The following MORN1 variants were observed in gnomAD, a reference collection of about 807,000 sequenced individuals.
The protein encoded by MORN1 is MORN repeat containing 1.
In MORN1, 67 loss-of-function variants were observed where a neutral mutation model predicts 61.9. That is an observed-to-expected ratio of 1.08 (90% CI 0.89 to 1.33). The LOEUF (loss-of-function observed/expected upper bound fraction) is 1.33. Among genes scored for constraint, MORN1 ranks in the 40% most tolerant of loss-of-function variants. The pLI, the probability that MORN1 is intolerant of heterozygous loss-of-function variation, is 0.00. For missense variants in MORN1, 752 were observed against 691.2 expected, an observed-to-expected ratio of 1.09 and a Z score of -0.99; for synonymous variants, 301 against 292.0, an observed-to-expected ratio of 1.03 and a Z score of -0.31.
In MORN1 at chr1:2,374,571, G is replaced by A; in HGVS notation, c.538-14C>T. On this transcript the variant is annotated splice_polypyrimidine_tract_variant and intron_variant, in intron 6 of 13. Coordinates refer to ENST00000378531, the MANE Select transcript of MORN1 (RefSeq NM_024848.3). ...GTGCCACTGTCCCTGCAGAGAGAAG[G>A]GTGAGGCTCAGGCTGGTGGCTCCCA... 2 of 1,575,090 alleles carry A rather than the reference G, an allele frequency of 1.3e-6. No individual in the cohort carries two copies. The highest frequency in any genetic ancestry group is 1.7e-6 in the Non-Finnish European group (2 of 1,160,080).
chr1:2,336,513 G>C lies in MORN1; in HGVS notation c.1206C>G (p.Pro402=), dbSNP rs1641282853. ...CCTGTGCCGTGGGTGGTGTCCCCCT[G>C]GGGTGCAGGCCGCCTCTGGATCTGC... is the stretch of plus-strand genomic sequence containing the variant. ...AGGRSRGGLH[P]RGTPPTAQEP... The change falls in exon 12 of 14, where the codon CCC becomes CCG. Residue 402 remains proline (P), a synonymous_variant. Transcript: ENST00000378531. 4.3e-6 allele frequency: 7 copies of C among 1,612,660 alleles called. No homozygotes were observed. Among genetic ancestry groups the C allele is most frequent in the Non-Finnish European group, 5.9e-6 (7 of 1,179,824 alleles).
At chr1:2,323,578 G>A in intron 13 of MORN1, 1 of 985,304 alleles carries the variant, frequency 1.0e-6, no homozygotes, top group Non-Finnish European at 1.2e-6. Context: ...GGGGCGACTG[G>A]AGGAGGCCCC....
At chr1:2,366,911 C>G (rs1360875096) in intron 8 of MORN1, among the ~76,000 whole-genome samples, 1 of 151,882 alleles carries the variant, frequency 6.6e-6, no homozygotes, top group African/African-American at 2.4e-5. Context: ...AGAAAATCAG[C>G]AAGGACATAG....
intron 2 of MORN1, among the ~76,000 whole-genome samples, chr1:2,389,139 A>ACAAAACTG (rs1218267267): frequency 2.0e-5 from 3 of 151,610 alleles, no homozygotes; most frequent in Non-Finnish European, 4.4e-5. Flanking sequence ...GAAAAAAGAA[A>ACAAAACTG]CAAAACTGGC....
rs972498653 is a variant in MORN1 at position 2,372,562 on chromosome 1, G to A, written c.664C>T (p.Pro222Ser). ...CCTTGGGCCACTTCCATCACCTCCG[G>A]ACCCAAGATCACGATCCTCGTAGCT... ...EQATRIVILG[P>S]EVMEVAQGSP... is the part of the protein sequence containing the mutation. The change falls in exon 8 of 14, where the codon CCG becomes TCG. Residue 222 changes from proline (P) to serine (S), a missense_variant. Coordinates refer to ENST00000378531, the MANE Select transcript of MORN1 (RefSeq NM_024848.3). This position sits in a 1 kb window ranked among gnomAD's most constrained non-coding sequence, Gnocchi z 5.4. The A allele has an allele frequency of 3.1e-6, 5 of 1,613,342 alleles. No homozygotes were observed. The highest frequency in any genetic ancestry group is 1.3e-5 in the African/African-American group (1 of 74,734).
intron 8 of MORN1, 141 bp from the exon 9 acceptor site, chr1:2,358,856 A>G (rs557425744): frequency 2.4e-5 from 25 of 1,023,058 alleles, no homozygotes; most frequent in Non-Finnish European, 3.3e-5. Context: ...TGGTGGGCTG[A>G]GGACCCCGGC....
chr1:2,383,083 G>A (rs1642408688), intron 6 of MORN1, among the ~76,000 whole-genome samples: 1 of 152,014 alleles, frequency 6.6e-6, no homozygotes, highest in Non-Finnish European at 1.5e-5. Flanking sequence ...CCATCCCCAT[G>A]TGGCCCCATG....
chr1:2,345,548 C>T (rs111527581), intron 10 of MORN1, among the ~76,000 whole-genome samples: 3 of 152,372 alleles, frequency 2.0e-5, no homozygotes, highest in African/African-American at 7.2e-5. Flanking sequence ...GGGCCAGTCC[C>T]AGCACCTGCC....
At chr1:2,326,521 G>A (rs1230736260) in intron 12 of MORN1, 1 of 152,250 alleles carries the variant, frequency 6.6e-6, no homozygotes, top group Non-Finnish European at 1.5e-5. Flanking sequence ...GCAGGCCCGA[G>A]GCCAGTGTCC....
chr1:2,389,512 C>T (rs1642590695), intron 2 of MORN1, among the ~76,000 whole-genome samples: 1 of 152,238 alleles, frequency 6.6e-6, no homozygotes, highest in Non-Finnish European at 1.5e-5. Context: ...AAGTGATCCG[C>T]CCACCTTGGC....
chr1:2,373,273 T>C (rs1416464542), intron 7 of MORN1, among the ~76,000 whole-genome samples: 1 of 152,162 alleles, frequency 6.6e-6, no homozygotes, highest in Non-Finnish European at 1.5e-5. Flanking sequence ...CGATGCCGGG[T>C]GCACAGGGTG....
chr1:2,391,019 T>C (rs1642643845), intron 1 of MORN1, among the ~76,000 whole-genome samples: 1 of 152,186 alleles, frequency 6.6e-6, no homozygotes, highest in Non-Finnish European at 1.5e-5. Context: ...GTGCTGGAAG[T>C]ACAGGCAAAA....
At chr1:2,324,285 G>C in intron 12 of MORN1, 142 bp from the exon 13 acceptor site, 1 of 800,124 alleles carries the variant, frequency 1.2e-6, no homozygotes, top group African/African-American at 1.7e-5. Context: ...CCACCTCGGG[G>C]CCATGGGCAG....
In MORN1 at chr1:2,384,068, G is replaced by A. The variant is rs1296517916; in HGVS notation, c.537+910C>T. ...TCCTTGTTGGTGACTCTTTCATTAC[G>A]TTTTTCCCATTGGAGTGATGGGTGT... is the stretch of plus-strand genomic sequence containing the variant. On this transcript the variant is annotated intron_variant, in intron 6 of 13. Transcript: ENST00000378531. Among the ~76,000 whole-genome samples the A allele has an allele frequency of 4.6e-5, 7 of 152,142 alleles. 1 individual carries two copies. The highest frequency in any genetic ancestry group is 8.8e-5 in the Non-Finnish European group (6 of 68,022).
chr1:2,388,184 T>G (rs1221844357), intron 3 of MORN1, 55 bp downstream of exon 3: 6 of 1,427,428 alleles, frequency 4.2e-6, no homozygotes, highest in Non-Finnish European at 5.9e-6. Context: ...GCGGACCAAC[T>G]GAGCCCGATG....
At chr1:2,374,660 C>G (rs1642195741) in intron 6 of MORN1, 103 bp from the exon 7 acceptor site, 2 of 924,656 alleles carry the variant, frequency 2.2e-6, no homozygotes, top group Non-Finnish European at 3.3e-6. Context: ...GGCCCCAGGA[C>G]CAAAGGCTGC....
At chr1:2,340,454 C>A (rs1464281956) in intron 10 of MORN1, among the ~76,000 whole-genome samples, 1 of 152,202 alleles carries the variant, frequency 6.6e-6, no homozygotes, top group African/African-American at 2.4e-5. Context: ...CTCCATGACA[C>A]CCCTCCACCC....
chr1:2,336,935 C>T lies in MORN1; in HGVS notation c.1037-85G>A, dbSNP rs1641293330. 8 of 1,367,724 alleles carry T rather than the reference C, an allele frequency of 5.8e-6. No individual in the cohort carries two copies. In the South Asian group the frequency reaches 1.1e-4, roughly 19 times the overall value. 84.7% of individuals were successfully genotyped at this position (1,367,724 alleles called of 1,614,324 possible). A position where few individuals can be genotyped will look rare whatever the true frequency, so the allele number is the denominator to read the frequency against. ...CCCACAGGGCTGTGCTGAAGTGTGGCTCTGGCCAGGGCAGCGGGCACAGAC... is the reference window on the plus strand; with the variant it reads ...CCCACAGGGCTGTGCTGAAGTGTGGTTCTGGCCAGGGCAGCGGGCACAGAC... On this transcript the variant is annotated intron_variant, in intron 10 of 13. Transcript: ENST00000378531.
intron 12 of MORN1, among the ~76,000 whole-genome samples, chr1:2,325,165 C>G (rs1255193910): frequency 9.0e-6 from 1 of 111,670 alleles, no homozygotes; most frequent in African/African-American, 3.3e-5. Context: ...CCCTCCCTTC[C>G]TTCCTTTCCT....
Sources: allele counts gnomAD v4.1 joint callset (sites outside exome capture counted in the v4.1 genomes callset), GRCh38; gene constraint gnomAD v4.1.1; non-coding constraint Gnocchi (gnomAD v3.1); transcripts MANE v1.5; gene names NCBI Gene and HGNC (gene_info 2026-07-23, HGNC 2026-07-21).